GRID1: variants seen among roughly 807,000 people sequenced by gnomAD.
GRID1 encodes glutamate ionotropic receptor delta type subunit 1, also known as glutamate receptor ionotropic, delta-1.
In GRID1, 28 loss-of-function variants were observed where a neutral mutation model predicts 98.0. The ratio of observed to expected loss-of-function variants is 0.29; its 90% CI spans 0.21 to 0.39. The LOEUF (loss-of-function observed/expected upper bound fraction) is 0.39, where lower values mean the gene tolerates loss of function less well. Ranked by LOEUF, GRID1 falls within the 10% of genes least tolerant of loss-of-function variation. The pLI is 1.00. For missense variants in GRID1, 1,111 were observed against 1,340.5 expected (o/e 0.83, Z 2.67); for synonymous variants, 553 against 538.5 (o/e 1.03, Z -0.37).
intron 12 of GRID1, among the ~76,000 whole-genome samples, chr10:85,689,916 C>T (rs1451533626): frequency 1.3e-5 from 2 of 152,132 alleles, no homozygotes; most frequent in Non-Finnish European, 2.9e-5. Flanking sequence ...AATAAAATAT[C>T]TATGTCCTTT....
At chr10:86,144,269 G>A (rs967545903) in intron 3 of GRID1, among the ~76,000 whole-genome samples, 8 of 152,164 alleles carry the variant, frequency 5.3e-5, no homozygotes, top group Admixed American at 6.5e-5. Flanking sequence ...CCTCGGTGAG[G>A]AGAAGCAGCT....
chr10:85,796,888 A>G (rs1164076502), intron 8 of GRID1, among the ~76,000 whole-genome samples: 2 of 152,230 alleles, frequency 1.3e-5, no homozygotes, highest in Non-Finnish European at 2.9e-5. Flanking sequence ...ATATTTTCAG[A>G]CATACAAGGA....
At chr10:86,244,672 C>T (rs184816731) in intron 2 of GRID1, among the ~76,000 whole-genome samples, 9 of 152,334 alleles carry the variant, frequency 5.9e-5, no homozygotes, top group Admixed American at 4.6e-4. Flanking sequence ...TTTACCCTCT[C>T]GTGGATGGAC....
rs1842972993 is a variant in GRID1, at chr10:85,631,287, CA to C, written c.2194-11255del. On this transcript the variant is annotated intron_variant, in intron 13 of 15. Coordinates refer to ENST00000327946, the MANE Select transcript of GRID1 (RefSeq NM_017551.3). ...CTCTGTCACATCAAAAGTTTAATAT[CA>C]GTAGCCCCAAACAGCCACATTGAGC... Among the ~76,000 whole-genome samples, 3 of 152,304 alleles carry C rather than the reference CA, an allele frequency of 2.0e-5. No individual in the cohort carries two copies. The South Asian group carries it at 6.2e-4, about 32-fold the overall frequency.
intron 4 of GRID1, among the ~76,000 whole-genome samples, chr10:86,014,869 A>G (rs770124084): frequency 2.6e-5 from 4 of 152,132 alleles, no homozygotes; most frequent in Non-Finnish European, 4.4e-5. Context: ...CCCCATTTCC[A>G]TGTAAGCCCC....
At chr10:85,855,194 A>G (rs572239077) in intron 7 of GRID1, among the ~76,000 whole-genome samples, 3 of 152,326 alleles carry the variant, frequency 2.0e-5, no homozygotes, top group Non-Finnish European at 2.9e-5. Context: ...ACCCACAAAG[A>G]CTAAAGGAGA....
At chr10:85,748,471 C>T (rs1457887287) in intron 8 of GRID1, among the ~76,000 whole-genome samples, 3 of 152,038 alleles carry the variant, frequency 2.0e-5, no homozygotes, top group Non-Finnish European at 4.4e-5. Context: ...ATAAAACTGA[C>T]CAAAAATTGA....
chr10:85,649,437 C>A (rs1245585815), intron 12 of GRID1, among the ~76,000 whole-genome samples: 1 of 151,740 alleles, frequency 6.6e-6, no homozygotes, highest in Non-Finnish European at 1.5e-5. Flanking sequence ...CTGAAGGGCC[C>A]CAAGGGTTGT....
chr10:85,703,702 T>C (rs1436878829), intron 12 of GRID1, among the ~76,000 whole-genome samples: 2 of 152,088 alleles, frequency 1.3e-5, no homozygotes, highest in East Asian at 1.9e-4. Context: ...GTAACTATAG[T>C]AATAATAATG....
chr10:85,609,706 G>C (rs1842712669), intron 15 of GRID1, among the ~76,000 whole-genome samples: 1 of 152,242 alleles, frequency 6.6e-6, no homozygotes, highest in African/African-American at 2.4e-5. Context: ...CGGGCCAGGG[G>C]AGGGCAGGCA....
At chr10:86,255,776 G>T (rs1589428177) in intron 2 of GRID1, among the ~76,000 whole-genome samples, 1 of 152,170 alleles carries the variant, frequency 6.6e-6, no homozygotes, top group Admixed American at 6.5e-5. Context: ...ACTCACTTGT[G>T]CTGGGCTGAG....
At chr10:86,274,982 C>T (rs1228825048) in intron 2 of GRID1, among the ~76,000 whole-genome samples, 1 of 152,210 alleles carries the variant, frequency 6.6e-6, no homozygotes, top group Non-Finnish European at 1.5e-5. Context: ...GCATCCCTGT[C>T]TTGTAGGCAC....
chr10:86,093,388 G>GAAAAAAAAAAAAAAAAAAAAA (rs539263812), intron 4 of GRID1, among the ~76,000 whole-genome samples: 1 of 121,660 alleles, frequency 8.2e-6, no homozygotes, highest in African/African-American at 3.0e-5. Context: ...AAATGAAACT[G>GAAAAAAAAAAAAAAAAAAAAA]AAAAAAAAAA....
chr10:86,035,599 A>C (rs1843250035), intron 4 of GRID1, among the ~76,000 whole-genome samples: 1 of 152,190 alleles, frequency 6.6e-6, no homozygotes, highest in Non-Finnish European at 1.5e-5. Flanking sequence ...GGGTTCCCAG[A>C]GTCCCCTCTC....
intron 3 of GRID1, among the ~76,000 whole-genome samples, chr10:86,198,624 A>G (rs1027537453): frequency 1.3e-5 from 2 of 152,142 alleles, no homozygotes; most frequent in Non-Finnish European, 2.9e-5. Flanking sequence ...AAATGAAAAA[A>G]CTGTTGCACA....
At chr10:85,821,021 T>A (rs1325926937) in intron 8 of GRID1, among the ~76,000 whole-genome samples, 1 of 152,108 alleles carries the variant, frequency 6.6e-6, no homozygotes, top group Non-Finnish European at 1.5e-5. Context: ...ATGCAAATGC[T>A]CATCAACGGA....
intron 3 of GRID1, among the ~76,000 whole-genome samples, chr10:86,165,213 A>T (rs2131989186): frequency 6.6e-6 from 1 of 152,298 alleles, no homozygotes; most frequent in Non-Finnish European, 1.5e-5. Flanking sequence ...CCTTTATTAC[A>T]TCCTGGTGGT....
At chr10:85,753,277 C>T (rs781064473) in intron 8 of GRID1, among the ~76,000 whole-genome samples, 2 of 152,094 alleles carry the variant, frequency 1.3e-5, no homozygotes, top group African/African-American at 2.4e-5. Context: ...ATAAGTGGTC[C>T]TTTACTGCAA....
intron 3 of GRID1, among the ~76,000 whole-genome samples, chr10:86,174,708 T>G (rs1001202850): frequency 6.7e-6 from 1 of 149,504 alleles, no homozygotes; most frequent in Admixed American, 6.7e-5. Context: ...ACAGGCAACC[T>G]ACAGAATGGG....
Sources: gnomAD v4.1 joint callset for allele counts (sites outside exome capture counted in the v4.1 genomes callset) on GRCh38, gnomAD v4.1.1 for gene constraint, MANE v1.5 for transcripts, NCBI Gene and HGNC (gene_info 2026-07-23, HGNC 2026-07-21) for gene names.